The following GTF2F2 variants were observed in gnomAD, a reference collection of about 807,000 sequenced individuals.
The protein encoded by GTF2F2 is ATP-dependent helicase GTF2F2.
Under a neutral mutation model 42.2 loss-of-function variants are expected in GTF2F2, and 23 were observed. That is an observed-to-expected ratio of 0.55 (90% CI 0.39 to 0.77). The LOEUF (loss-of-function observed/expected upper bound fraction) is 0.77, where lower values mean the gene tolerates loss of function less well. Among genes scored for constraint, GTF2F2 ranks in the 30% least tolerant of loss-of-function variants. The probability of loss-of-function intolerance (pLI) is 0.00; values close to 1 mark genes in which losing one functional copy is unlikely to be tolerated. For synonymous variants in GTF2F2, 105 were observed against 100.8 expected (o/e 1.04, Z -0.25); for missense variants, 261 against 287.2 (o/e 0.91, Z 0.66).
intron 7 of GTF2F2, among the ~76,000 whole-genome samples, chr13:45,282,902 A>G (rs1055077939): frequency 6.6e-6 from 1 of 152,226 alleles, no homozygotes; most frequent in Admixed American, 6.5e-5. Flanking sequence ...CACATAGGAA[A>G]AAATAAGTGG....
chr13:45,195,948 G>T (rs181880050), intron 4 of GTF2F2, among the ~76,000 whole-genome samples: 2 of 152,230 alleles, frequency 1.3e-5, no homozygotes, highest in African/African-American at 4.8e-5. Flanking sequence ...GAGCTACTGC[G>T]CTGGGCCACA....
chr13:45,220,496 AT>A (rs1431300783), intron 5 of GTF2F2, among the ~76,000 whole-genome samples: 3 of 152,106 alleles, frequency 2.0e-5, no homozygotes, highest in Non-Finnish European at 2.9e-5. Flanking sequence ...TCATATAAGT[AT>A]TTTCCATACT....
chr13:45,168,407 G>A (rs924231038), intron 4 of GTF2F2, among the ~76,000 whole-genome samples: 28 of 152,328 alleles, frequency 1.8e-4, no homozygotes, highest in African/African-American at 6.5e-4. Context: ...GTGGCGTTCA[G>A]CCAATATCTG....
At chr13:45,215,732 TG>T (rs1873858689) in intron 5 of GTF2F2, among the ~76,000 whole-genome samples, 1 of 148,636 alleles carries the variant, frequency 6.7e-6, no homozygotes, top group African/African-American at 2.5e-5. Context: ...CACTCCAACT[TG>T]GGTGACAGAG....
At chr13:45,131,122 C>T (rs541630973) in intron 1 of GTF2F2, among the ~76,000 whole-genome samples, 7 of 151,690 alleles carry the variant, frequency 4.6e-5, no homozygotes, top group Non-Finnish European at 7.4e-5. Flanking sequence ...GCAGGAGAAT[C>T]GCTTGAACCC....
chr13:45,208,847 A>G (rs993289429), intron 5 of GTF2F2, among the ~76,000 whole-genome samples: 2 of 152,250 alleles, frequency 1.3e-5, no homozygotes. Flanking sequence ...AACAGAAAAT[A>G]GCTTTGGAAA....
intron 5 of GTF2F2, among the ~76,000 whole-genome samples, chr13:45,235,188 A>G (rs548888180): frequency 2.6e-5 from 4 of 152,170 alleles, no homozygotes; most frequent in Admixed American, 1.3e-4. Context: ...TAAACTTATA[A>G]ATATTAGTGT....
intron 1 of GTF2F2, among the ~76,000 whole-genome samples, chr13:45,130,417 T>G (rs1184939898): frequency 1.3e-5 from 2 of 152,232 alleles, no homozygotes; most frequent in Non-Finnish European, 2.9e-5. Flanking sequence ...TGGAAATGTT[T>G]TGAGCAGAAC....
intron 5 of GTF2F2, among the ~76,000 whole-genome samples, chr13:45,224,713 G>T (rs1874257387): frequency 6.6e-6 from 1 of 152,182 alleles, no homozygotes; most frequent in Admixed American, 6.6e-5. Flanking sequence ...GTTTTGCTGT[G>T]AAAGTGAATT....
intron 5 of GTF2F2, among the ~76,000 whole-genome samples, chr13:45,210,309 T>C (rs1047052248): frequency 2.0e-5 from 3 of 152,170 alleles, no homozygotes; most frequent in Non-Finnish European, 4.4e-5. Context: ...TAACAATCCA[T>C]GAGCCCTCCA....
intron 2 of GTF2F2, among the ~76,000 whole-genome samples, chr13:45,139,320 AAAT>A (rs1202494377): frequency 1.3e-5 from 2 of 152,188 alleles, no homozygotes; most frequent in African/African-American, 4.8e-5. Flanking sequence ...TTTCAACTGA[AAAT>A]AAGTAAAAAT....
intron 1 of GTF2F2, among the ~76,000 whole-genome samples, chr13:45,124,672 C>G (rs986536647): frequency 1.3e-5 from 2 of 152,190 alleles, no homozygotes; most frequent in African/African-American, 4.8e-5. Flanking sequence ...TCAAGCTATT[C>G]TCCTGCCTCA....
At chr13:45,132,161 C>T (rs1869390564) in intron 1 of GTF2F2, among the ~76,000 whole-genome samples, 1 of 152,144 alleles carries the variant, frequency 6.6e-6, no homozygotes, top group African/African-American at 2.4e-5. Flanking sequence ...TAACCTATTA[C>T]CATGGGCTTA....
rs1286312356 is a variant in GTF2F2, at chr13:45,216,303, G to A, written c.386+8798G>A. Among the ~76,000 whole-genome samples the A allele has an allele frequency of 2.6e-5, 4 of 152,238 alleles. No individual in the cohort carries two copies. In the East Asian group the frequency reaches 7.7e-4, roughly 29 times the overall value. ...TGTATATTTCCTTCTTGTGATCTCT[G>A]ATATTTTCACTTTAAGATAGGGGGA... On this transcript the variant is annotated intron_variant, in intron 5 of 7. Coordinates refer to ENST00000340473, the MANE Select transcript of GTF2F2 (RefSeq NM_004128.3).
chr13:45,246,618 A>G (rs1257564454), intron 5 of GTF2F2, among the ~76,000 whole-genome samples: 1 of 152,182 alleles, frequency 6.6e-6, no homozygotes, highest in Non-Finnish European at 1.5e-5. Flanking sequence ...TTAAAACACA[A>G]ATTTAATTCC....
chr13:45,224,959 A>G (rs991222099), intron 5 of GTF2F2, among the ~76,000 whole-genome samples: 1 of 152,196 alleles, frequency 6.6e-6, no homozygotes, highest in African/African-American at 2.4e-5. Flanking sequence ...TGAATAAGAA[A>G]GACAGGATTT....
intron 2 of GTF2F2, among the ~76,000 whole-genome samples, chr13:45,142,747 T>C (rs533963688): frequency 6.6e-6 from 1 of 152,336 alleles, no homozygotes; most frequent in South Asian, 2.1e-4. Flanking sequence ...GGCTGTCTTG[T>C]TTACTTTACT....
chr13:45,283,290 A>G (rs1448047695), intron 7 of GTF2F2, 152 bp from the exon 8 acceptor site: 2 of 504,768 alleles, frequency 4.0e-6, no homozygotes, highest in Non-Finnish European at 6.8e-6. Context: ...ATCAAAAGGC[A>G]GTTTATTGAA....
At chr13:45,273,245 A>T (rs1177379840) in intron 7 of GTF2F2, among the ~76,000 whole-genome samples, 4 of 151,660 alleles carry the variant, frequency 2.6e-5, no homozygotes, top group African/African-American at 4.8e-5. Flanking sequence ...CTAATTTTTT[A>T]AAATTTTTTT....
Sources: gnomAD v4.1 joint callset for allele counts (sites outside exome capture counted in the v4.1 genomes callset) on GRCh38, gnomAD v4.1.1 for gene constraint, MANE v1.5 for transcripts, NCBI Gene and HGNC (gene_info 2026-07-23, HGNC 2026-07-21) for gene names.